Variants in PKD2L2 observed in about 807,000 individuals in gnomAD.
The protein encoded by PKD2L2 is polycystin 2 like 2, transient receptor potential cation channel, also known as polycystin-2-like protein 2.
Under a neutral mutation model 83.9 loss-of-function variants are expected in PKD2L2, and 67 were observed. The ratio of observed to expected loss-of-function variants is 0.80; its 90% confidence interval spans 0.66 to 0.98. The LOEUF is 0.98. PKD2L2 is among the 50% of genes least tolerant of loss of function. The pLI is 0.00. For missense variants in PKD2L2, 632 were observed against 717.2 expected (o/e 0.88, Z 1.36); for synonymous variants, 223 against 237.8 (o/e 0.94, Z 0.57).
intron 6 of PKD2L2, among the ~76,000 whole-genome samples, chr5:137,906,856 AG>A (rs1242978636): frequency 6.6e-6 from 1 of 152,214 alleles, no homozygotes; most frequent in African/African-American, 2.4e-5. Flanking sequence ...ACAAAAGACA[AG>A]GCTAAGCAGA....
chr5:137,921,141 A>G (rs1758859199), intron 8 of PKD2L2, among the ~76,000 whole-genome samples: 1 of 152,092 alleles, frequency 6.6e-6, no homozygotes, highest in Non-Finnish European at 1.5e-5. Flanking sequence ...TGGGCGGATC[A>G]CTTGAGGCCA....
chr5:137,933,153 C>T (rs1760024417), intron 12 of PKD2L2, among the ~76,000 whole-genome samples: 1 of 151,458 alleles, frequency 6.6e-6, no homozygotes, highest in Admixed American at 6.6e-5. Flanking sequence ...ATGAAGCTTA[C>T]AAAGCCTAAA....
chr5:137,906,586 A>C, intron 6 of PKD2L2, 152 bp downstream of exon 6: 4 of 518,616 alleles, frequency 7.7e-6, no homozygotes, highest in Non-Finnish European at 1.0e-5. Context: ...AGTACTACTA[A>C]TGGGTGCCTC....
chr5:137,916,288 G>GA (rs1758336413), intron 8 of PKD2L2, among the ~76,000 whole-genome samples: 1 of 151,718 alleles, frequency 6.6e-6, no homozygotes. Context: ...CAATTCTCCT[G>GA]CCTCAGTTTC....
At chr5:137,927,572 T>C (rs537266460) in intron 12 of PKD2L2, among the ~76,000 whole-genome samples, 2 of 152,258 alleles carry the variant, frequency 1.3e-5, no homozygotes, top group South Asian at 4.1e-4. Flanking sequence ...TAATAATCTA[T>C]GAATATTAAT....
chr5:137,923,372 T>A, intron 9 of PKD2L2, 48 bp from the exon 10 acceptor site: 1 of 934,272 alleles, frequency 1.1e-6, no homozygotes, highest in Non-Finnish European at 1.7e-6. Flanking sequence ...GTCATTAACA[T>A]TTAAACTAAA....
At chr5:137,892,441 TTAAATG>T in intron 2 of PKD2L2, 33 bp from the exon 3 acceptor site, 1 of 1,231,028 alleles carries the variant, frequency 8.1e-7, no homozygotes, top group Non-Finnish European at 1.1e-6. Flanking sequence ...AGCTGAGTTT[TTAAATG>T]TAAATTATTA....
chr5:137,923,529 A>T lies in PKD2L2; in HGVS notation c.1551+8A>T, dbSNP rs909286970. 5 of 1,174,342 alleles carry T rather than the reference A, an allele frequency of 4.3e-6. No individual in the cohort carries two copies. The highest frequency in any genetic ancestry group is 6.4e-6 in the Non-Finnish European group (5 of 779,538). 72.7% of individuals were successfully genotyped at this position (1,174,342 alleles called of 1,614,324 possible). ...GGCAAAATGATTAAACAGGTAAGTC[A>T]AATTTCTTTCCTAATTAGAATTCTA... On this transcript the variant is annotated splice_region_variant and intron_variant, in intron 10 of 14. Coordinates refer to ENST00000508883, the MANE Select transcript of PKD2L2 (RefSeq NM_001300921.2).
Position 137,892,584 on chromosome 5 carries a change from T to G in PKD2L2, c.238T>G (p.Ser80Ala). The G allele has an allele frequency of 6.2e-7, 1 of 1,612,016 alleles. No homozygotes were observed. The highest frequency in any genetic ancestry group is 8.5e-7 in the Non-Finnish European group (1 of 1,179,322). Residue 80 changes from serine to alanine, a missense_variant, in exon 3 of 15, where the codon TCC becomes GCC. Transcript: ENST00000508883. ...VPGEERTNFK[S>A]IRSITDFWKF... ...TGGTGAAGAAAGAACCAACTTTAAG[T>G]CCATTCGCAGCATAACTGATTTTTG...
chr5:137,927,878 A>C (rs1759506927), intron 12 of PKD2L2, among the ~76,000 whole-genome samples: 1 of 152,198 alleles, frequency 6.6e-6, no homozygotes. Flanking sequence ...CTTTAAAAAA[A>C]ATCAGGCCGG....
chr5:137,897,705 A>G (rs1036142716), intron 4 of PKD2L2, among the ~76,000 whole-genome samples: 1 of 152,192 alleles, frequency 6.6e-6, no homozygotes, highest in African/African-American at 2.4e-5. Context: ...GTTTCCACTT[A>G]ATAGTCATGT....
At chr5:137,890,802 G>C (rs1371539209) in intron 2 of PKD2L2, among the ~76,000 whole-genome samples, 1 of 152,208 alleles carries the variant, frequency 6.6e-6, no homozygotes, top group Non-Finnish European at 1.5e-5. Flanking sequence ...CATCGCAAAT[G>C]TAAGAAGCTT....
intron 8 of PKD2L2, among the ~76,000 whole-genome samples, chr5:137,914,391 A>G (rs1758136593): frequency 6.6e-6 from 1 of 152,168 alleles, no homozygotes; most frequent in Non-Finnish European, 1.5e-5. Context: ...TAATTCAAAT[A>G]TTCCAAAATC....
intron 5 of PKD2L2, among the ~76,000 whole-genome samples, chr5:137,899,983 T>C (rs1246818184): frequency 6.6e-6 from 1 of 152,196 alleles, no homozygotes. Context: ...ATGTCATGAA[T>C]GCATAAAATA....
chr5:137,899,759 T>C (rs1756797903), intron 5 of PKD2L2, 22 bp downstream of exon 5: 1 of 1,436,528 alleles, frequency 7.0e-7, no homozygotes, highest in South Asian at 1.2e-5. Flanking sequence ...AAAACTTTTT[T>C]TCATAGACAG....
rs10035402 is a variant in PKD2L2, at chr5:137,890,655, T to C, written c.133+73T>C. ...AAATGTGGAGATGAAAAATAAAACA[T>C]ACAAACTTCAAAACCACAGGCTGTC... On this transcript the variant is annotated intron_variant, in intron 2 of 14. Coordinates refer to ENST00000508883, the MANE Select transcript of PKD2L2 (RefSeq NM_001300921.2). 755 of 657,680 alleles carry C rather than the reference T, an allele frequency of 1.1e-3. 6 individuals are homozygous for C. The African/African-American group carries it at 0.013, about 12-fold the overall frequency. The allele number at this position is 657,680 out of a possible 1,614,324, so 40.7% of individuals were successfully genotyped here.
At chr5:137,909,209 T>G (rs1178705013) in intron 8 of PKD2L2, among the ~76,000 whole-genome samples, 1 of 152,082 alleles carries the variant, frequency 6.6e-6, no homozygotes, top group Non-Finnish European at 1.5e-5. Flanking sequence ...ATTACATTTT[T>G]ATTATTTTTT....
chr5:137,941,310 T>C (rs1049949539), intron 14 of PKD2L2, among the ~76,000 whole-genome samples: 3 of 152,316 alleles, frequency 2.0e-5, no homozygotes, highest in Admixed American at 6.5e-5. Flanking sequence ...ATATTAGCTA[T>C]CAGCTTGGTA....
At chr5:137,902,749 T>G (rs1216649165) in intron 5 of PKD2L2, among the ~76,000 whole-genome samples, 1 of 152,136 alleles carries the variant, frequency 6.6e-6, no homozygotes, top group African/African-American at 2.4e-5. Context: ...ACAGACATCT[T>G]GGGGAAGCGT....
Sources: gnomAD v4.1 joint callset for allele counts (sites outside exome capture counted in the v4.1 genomes callset) on GRCh38, gnomAD v4.1.1 for gene constraint, MANE v1.5 for transcripts, NCBI Gene and HGNC (gene_info 2026-07-23, HGNC 2026-07-21) for gene names.